The following CACNA1D variants were observed in gnomAD, a reference collection of about 807,000 sequenced individuals.
CACNA1D encodes the protein voltage-dependent L-type calcium channel subunit alpha-1D.
CACNA1D carries 55 observed loss-of-function variants against 257.1 expected under a neutral mutation model. That is an observed-to-expected ratio of 0.21 (90% CI 0.17 to 0.27). The LOEUF (loss-of-function observed/expected upper bound fraction) is 0.27. Ranked by LOEUF, CACNA1D falls within the 10% of genes least tolerant of loss-of-function variation. The probability of loss-of-function intolerance (pLI) is 1.00; values close to 1 mark genes in which losing one functional copy is unlikely to be tolerated. For synonymous variants in CACNA1D, 980 were observed against 1,014.9 expected (o/e 0.97, Z 0.65); for missense variants, 1,876 against 2,784.0 (o/e 0.67, Z 7.34).
chr3:53,587,964 G>C (rs1024112713), intron 3 of CACNA1D, among the ~76,000 whole-genome samples: 1 of 151,966 alleles, frequency 6.6e-6, no homozygotes, highest in Non-Finnish European at 1.5e-5. Context: ...TCCATCAAGT[G>C]GTTCTGCCCA....
chr3:53,724,223 A>G (rs982646514), intron 14 of CACNA1D, among the ~76,000 whole-genome samples: 1 of 152,238 alleles, frequency 6.6e-6, no homozygotes, highest in Non-Finnish European at 1.5e-5. Context: ...TTCTAGCTAC[A>G]TTACAAAATA....
At chr3:53,654,491 A>G (rs1254247876) in intron 4 of CACNA1D, among the ~76,000 whole-genome samples, 1 of 152,216 alleles carries the variant, frequency 6.6e-6, no homozygotes, top group Non-Finnish European at 1.5e-5. Flanking sequence ...ATATTATCTG[A>G]AGATAGACTG....
chr3:53,781,390 A>G (rs940724044), intron 38 of CACNA1D, among the ~76,000 whole-genome samples, 176 bp from the exon 39 acceptor site: 4 of 152,104 alleles, frequency 2.6e-5, no homozygotes, highest in South Asian at 2.1e-4. Context: ...CATGATCGCT[A>G]TTGCTGAATA....
chr3:53,501,071 A>C (rs17788344), intron 2 of CACNA1D, among the ~76,000 whole-genome samples: 1 of 152,084 alleles, frequency 6.6e-6, no homozygotes, highest in African/African-American at 2.4e-5. Flanking sequence ...GGAATATGCC[A>C]TGAGAAAGTT....
At chr3:53,629,031 A>G (rs1213845972) in intron 3 of CACNA1D, among the ~76,000 whole-genome samples, 1 of 152,226 alleles carries the variant, frequency 6.6e-6, no homozygotes, top group Non-Finnish European at 1.5e-5. Flanking sequence ...AAAGAATTGA[A>G]TAGTAAATAT....
intron 39 of CACNA1D, chr3:53,785,557 C>T (rs1053842550): frequency 6.6e-6 from 1 of 152,192 alleles, no homozygotes; most frequent in Admixed American, 6.5e-5. Context: ...CTCCATGTCC[C>T]CCAGCCCATC....
intron 3 of CACNA1D, among the ~76,000 whole-genome samples, chr3:53,591,185 A>G (rs2107806373): frequency 6.6e-6 from 1 of 151,942 alleles, no homozygotes; most frequent in East Asian, 1.9e-4. Flanking sequence ...TGTCTGGAAT[A>G]CTCTAATTCT....
chr3:53,554,315 G>C (rs752691424), intron 3 of CACNA1D, among the ~76,000 whole-genome samples: 1 of 151,982 alleles, frequency 6.6e-6, no homozygotes, highest in Non-Finnish European at 1.5e-5. Context: ...GTCTAGTATT[G>C]TACCACAGAA....
chr3:53,737,211 C>T (rs1212155714), intron 20 of CACNA1D, among the ~76,000 whole-genome samples: 1 of 151,886 alleles, frequency 6.6e-6, no homozygotes, highest in Non-Finnish European at 1.5e-5. Context: ...GAGGTATGAG[C>T]AGTGAGCTGA....
At position 53,753,667 on chromosome 3, in the gene CACNA1D, C is replaced by T. The variant is rs546183784; in HGVS notation, c.3771C>T (p.Ile1257=). 19 of 1,608,024 alleles carry T rather than the reference C, an allele frequency of 1.2e-5. No individual in the cohort carries two copies. In the South Asian group the frequency reaches 1.3e-4, roughly 11 times the overall value. The change falls in exon 29 of 48, where the codon ATC becomes ATT. Residue 1257 remains isoleucine, a synonymous_variant. Coordinates refer to ENST00000350061, the MANE Select transcript of CACNA1D (RefSeq NM_001128840.3). ...VFTVEMVLKV[I]AFKPKGYFSD... is the part of the protein sequence containing the mutation. ...CCGTCGAGATGGTTTTGAAAGTCAT[C>T]GCATTTAAGCCTAAGGTGAGTTGCA...
At chr3:53,665,545 C>G in intron 5 of CACNA1D, 115 bp from the exon 6 acceptor site, 1 of 833,154 alleles carries the variant, frequency 1.2e-6, no homozygotes. Context: ...TGAAATACCT[C>G]TTTGAATTTT....
At chr3:53,799,968 A>G (rs1412640929) in intron 40 of CACNA1D, 6 of 482,094 alleles carry the variant, frequency 1.2e-5, no homozygotes, top group South Asian at 1.2e-4. Flanking sequence ...AGATCCTAGC[A>G]CTAGTAACCA....
intron 29 of CACNA1D, among the ~76,000 whole-genome samples, chr3:53,758,379 T>G (rs2095279518): frequency 2.0e-5 from 3 of 152,062 alleles, no homozygotes; most frequent in Non-Finnish European, 4.4e-5. Flanking sequence ...CAGATGGGAG[T>G]GAATCCAGGC....
At chr3:53,750,395 A>G (rs780527636) in intron 27 of CACNA1D, among the ~76,000 whole-genome samples, 4 of 152,160 alleles carry the variant, frequency 2.6e-5, no homozygotes, top group Admixed American at 6.5e-5. Flanking sequence ...CGGGTCCTCT[A>G]TCAGTAGCAT....
At chr3:53,694,106 C>T (rs1042103168) in intron 8 of CACNA1D, among the ~76,000 whole-genome samples, 9 of 152,190 alleles carry the variant, frequency 5.9e-5, no homozygotes, top group Non-Finnish European at 1.0e-4. Context: ...GTGCTGTCTC[C>T]AGTAGTGTTG....
chr3:53,565,776 A>C (rs888735742), intron 3 of CACNA1D, among the ~76,000 whole-genome samples: 13 of 152,204 alleles, frequency 8.5e-5, no homozygotes, highest in Middle Eastern at 3.2e-3. Context: ...AGGTAACTGT[A>C]CCCCGTTGGT....
chr3:53,681,904 GAGGTAC>G (rs146941634), intron 8 of CACNA1D, among the ~76,000 whole-genome samples: 9,695 of 152,102 alleles, frequency 0.064, 1,014 homozygotes, highest in African/African-American at 0.22. Flanking sequence ...CCACAGAAAG[GAGGTAC>G]AGTAGGAAGG....
intron 1 of CACNA1D, among the ~76,000 whole-genome samples, chr3:53,496,191 T>C (rs2090338002): frequency 6.6e-6 from 1 of 152,252 alleles, no homozygotes; most frequent in Non-Finnish European, 1.5e-5. Context: ...CTCTCACTTC[T>C]GCTTCAGTGA....
intron 8 of CACNA1D, among the ~76,000 whole-genome samples, chr3:53,699,554 G>A (rs1395828444): frequency 6.6e-6 from 1 of 152,218 alleles, no homozygotes; most frequent in Admixed American, 6.5e-5. Context: ...GAAGAGCCCA[G>A]AGTGGTGTAG....
Sources: allele counts gnomAD v4.1 joint callset (sites outside exome capture counted in the v4.1 genomes callset), GRCh38; gene constraint gnomAD v4.1.1; transcripts MANE v1.5; gene names NCBI Gene and HGNC (gene_info 2026-07-23, HGNC 2026-07-21).